The following HOXC13 variants were observed in gnomAD, a reference collection of about 807,000 sequenced individuals.
HOXC13 encodes the protein homeobox C13, also known as homeobox protein Hox-C13.
A neutral mutation model predicts 25.9 loss-of-function variants in HOXC13; 10 were observed. The observed-to-expected ratio is 0.39, with a 90% CI of 0.24 to 0.65. The LOEUF (loss-of-function observed/expected upper bound fraction) is 0.65, where lower values mean the gene tolerates loss of function less well. Among genes scored for constraint, HOXC13 ranks in the 30% least tolerant of loss-of-function variants. The pLI is 0.50. For synonymous variants in HOXC13, 233 were observed against 217.1 expected (o/e 1.07, Z -0.64); for missense variants, 439 against 478.3 (o/e 0.92, Z 0.77).
Position 53,938,972 on chromosome 12 carries a change from C to A in HOXC13, c.66C>A (p.Ser22Arg), listed in dbSNP as rs751171446. 2.0e-6 allele frequency: 3 copies of A among 1,525,136 alleles called. No individual in the cohort carries two copies. The highest frequency in any genetic ancestry group is 2.6e-5 in the East Asian group (1 of 38,304). 94.5% of individuals were successfully genotyped at this position (1,525,136 alleles called of 1,614,324 possible). A position where few individuals can be genotyped will look rare whatever the true frequency, so the allele number is the denominator to read the frequency against. Residue 22 changes from serine (S) to arginine (R), a missense_variant, in exon 1 of 2, where the codon AGC becomes AGA. By Grantham distance (110) the Ser-to-Arg change is moderately radical. Transcript: ENST00000243056. ...GCCTTATGTACGTCTATGAGGACAG[C>A]GCGGCGGAGAGCGGCATCGGCGGCG... is the stretch of plus-strand genomic sequence containing the variant. ...PESLMYVYEDSAAESGIGGGG... is the reference protein window; with the variant it reads ...PESLMYVYEDRAAESGIGGGG...
At chr12:53,944,138 G>A (rs1938652586) in intron 1 of HOXC13, among the ~76,000 whole-genome samples, 1 of 152,186 alleles carries the variant, frequency 6.6e-6, no homozygotes, top group South Asian at 2.1e-4. Flanking sequence ...GGAATGGAGA[G>A]GGAAGGCGGT....
At chr12:53,940,127 A>C (rs1185190278) in intron 1 of HOXC13, among the ~76,000 whole-genome samples, 5 of 152,202 alleles carry the variant, frequency 3.3e-5, no homozygotes, top group African/African-American at 9.7e-5. Flanking sequence ...GTATTTTTTA[A>C]ATAGGGGACT....
chr12:53,939,083 T>A lies in HOXC13; in HGVS notation c.177T>A (p.Gly59=). 1 of 1,434,928 alleles carries A rather than the reference T, an allele frequency of 7.0e-7. No homozygotes were observed. The highest frequency in any genetic ancestry group is 2.4e-4 in the Middle Eastern group (1 of 4,122). The allele number at this position is 1,434,928 out of a possible 1,614,324, so 88.9% of individuals were successfully genotyped here. A position where few individuals can be genotyped will look rare whatever the true frequency, so the allele number is the denominator to read the frequency against. ...CCGGCAAAGCCCCGAGCATGGATGGTCTGGGCAGCAGCTGCCCGGCCAGCC... is the reference window on the plus strand; with the variant it reads ...CCGGCAAAGCCCCGAGCATGGATGGACTGGGCAGCAGCTGCCCGGCCAGCC... ...ASPGKAPSMD[G]LGSSCPASHC... The change falls in exon 1 of 2, where the codon GGT becomes GGA. Residue 59 remains glycine, a synonymous_variant. Coordinates refer to ENST00000243056, the MANE Select transcript of HOXC13 (RefSeq NM_017410.3). This position sits in a 1 kb window ranked among gnomAD's most constrained non-coding sequence, Gnocchi z 6.7.
rs1938576099 is a variant in HOXC13, at chr12:53,939,539, C to T, written c.633C>T (p.Val211=). The T allele has an allele frequency of 1.9e-6, 3 of 1,612,158 alleles. No homozygotes were observed. Among genetic ancestry groups the T allele is most frequent in the South Asian group, 1.1e-5 (1 of 91,008 alleles). The stretch of plus-strand genomic sequence containing the variant: ...CGCGTCACGACGCCCTCATCCCCGT[C>T]GAAGGCTACCAGCACTGGGCTCTCT... ...PEPRHDALIP[V]EGYQHWALSN... The change falls in exon 1 of 2, where the codon GTC becomes GTT. Residue 211 remains valine, a synonymous_variant. Coordinates refer to ENST00000243056, the MANE Select transcript of HOXC13 (RefSeq NM_017410.3). The surrounding 1 kb of genome is among the most constrained non-coding windows in gnomAD (Gnocchi z 6.7).
intron 1 of HOXC13, among the ~76,000 whole-genome samples, chr12:53,944,161 TG>T (rs1938653271): frequency 1.3e-5 from 2 of 152,088 alleles, no homozygotes; most frequent in African/African-American, 4.8e-5. Flanking sequence ...GAACAGAATT[TG>T]TTCTGTTTTG....
In HOXC13 at chr12:53,946,380, T is replaced by C. The variant is rs1938693186; in HGVS notation, c.*1124T>C. 4.5e-6 allele frequency: 1 copy of C among 221,370 alleles called. No homozygotes were observed. The highest frequency in any genetic ancestry group is 2.2e-5 in the African/African-American group (1 of 44,636). The allele number at this position is 221,370 out of a possible 1,614,324, so 13.7% of individuals were successfully genotyped here. A position where few individuals can be genotyped will look rare whatever the true frequency, so the allele number is the denominator to read the frequency against. On this transcript the variant is annotated 3_prime_UTR_variant, in exon 2 of 2. Coordinates refer to ENST00000243056, the MANE Select transcript of HOXC13 (RefSeq NM_017410.3). ...GCCTCTTCCCTTCCCACTGGTGCAT[T>C]ACAAAACAGTGTTCTTTTGAAATGT...
intron 1 of HOXC13, among the ~76,000 whole-genome samples, chr12:53,941,096 A>G (rs1258458243): frequency 6.6e-6 from 1 of 152,228 alleles, no homozygotes; most frequent in African/African-American, 2.4e-5. Context: ...AGGATGGTGC[A>G]ATTTTAGTAC....
rs1226291441 is a variant in HOXC13 at position 53,938,903 on chromosome 12, T to G, written c.-4T>G. ...GTTTTTAAAAAGCTCCAGCAGATCA[T>G]GTCATGACGACTTCGCTGCTCCTGC... On this transcript the variant is annotated 5_prime_UTR_variant, in exon 1 of 2. It removes an upstream start codon present in the reference 5' UTR. Coordinates refer to ENST00000243056, the MANE Select transcript of HOXC13 (RefSeq NM_017410.3). 1 of 1,554,288 alleles carries G rather than the reference T, an allele frequency of 6.4e-7. No homozygotes were observed.
At chr12:53,943,451 T>A (rs1466876257) in intron 1 of HOXC13, among the ~76,000 whole-genome samples, 1 of 152,254 alleles carries the variant, frequency 6.6e-6, no homozygotes, top group Non-Finnish European at 1.5e-5. Context: ...ATCCATACTG[T>A]TTAAATAAAG....
chr12:53,943,512 A>AAG (rs1938644411), intron 1 of HOXC13, among the ~76,000 whole-genome samples: 1 of 152,258 alleles, frequency 6.6e-6, no homozygotes, highest in Non-Finnish European at 1.5e-5. Flanking sequence ...TCACAGAGGC[A>AAG]GAGAAAAATG....
At chr12:53,941,824 G>A (rs181726501) in intron 1 of HOXC13, among the ~76,000 whole-genome samples, 9 of 152,320 alleles carry the variant, frequency 5.9e-5, no homozygotes, top group Admixed American at 5.2e-4. Flanking sequence ...AGAGGCAGAC[G>A]AATAAGAAAT....
In HOXC13 at chr12:53,939,160, T is replaced by A; in HGVS notation, c.254T>A (p.Leu85Gln). ...GTGCTGGGCCGCCCGCCGGCTCCCC[T>A]GGGCGCCCCTCAGGGCGCCGTCTAT... is the stretch of plus-strand genomic sequence containing the variant. ...HPVLGRPPAP[L>Q]GAPQGAVYTD... The change falls in exon 1 of 2, where the codon CTG becomes CAG. Residue 85 changes from leucine (L) to glutamine (Q), a missense_variant. By Grantham distance (113) the Leu-to-Gln change is moderately radical (BLOSUM62 -2). Transcript: ENST00000243056. The surrounding 1 kb of genome is among the most constrained non-coding windows in gnomAD (Gnocchi z 6.7). The A allele has an allele frequency of 1.3e-6, 2 of 1,483,270 alleles. No individual in the cohort carries two copies. Among genetic ancestry groups the A allele is most frequent in the Non-Finnish European group, 1.8e-6 (2 of 1,127,504 alleles). 91.9% of individuals were successfully genotyped at this position (1,483,270 alleles called of 1,614,324 possible). A position where few individuals can be genotyped will look rare whatever the true frequency, so the allele number is the denominator to read the frequency against.
Position 53,939,368 on chromosome 12 carries a change from G to A in HOXC13, c.462G>A (p.Pro154=), listed in dbSNP as rs1592183705. The change falls in exon 1 of 2, where the codon CCG becomes CCA. Residue 154 remains proline, a synonymous_variant. Transcript: ENST00000243056. The surrounding 1 kb of genome is among the most constrained non-coding windows in gnomAD (Gnocchi z 6.7). The stretch of plus-strand genomic sequence containing the variant: ...CCTACCACCCGGGCGATAAATACCC[G>A]GAGCCGTCGGGCGCCCTGCCCGGTG... The part of the protein sequence containing the change: ...PCAYHPGDKY[P]EPSGALPGDD... 6.2e-7 allele frequency: 1 copy of A among 1,606,314 alleles called. No homozygotes were observed. The highest frequency in any genetic ancestry group is 8.5e-7 in the Non-Finnish European group (1 of 1,177,794).
rs1241028356 is a variant in HOXC13 at position 53,939,047 on chromosome 12, C to G, written c.141C>G (p.Ser47Arg). The change falls in exon 1 of 2, where the codon AGC becomes AGG. Residue 47 changes from serine (S) to arginine (R), a missense_variant. Ser to Arg is a moderately radical substitution (Grantham distance 110, BLOSUM62 -1). Coordinates refer to ENST00000243056, the MANE Select transcript of HOXC13 (RefSeq NM_017410.3). The surrounding 1 kb of genome is among the most constrained non-coding windows in gnomAD (Gnocchi z 6.7). ...CGGGCGGAGCGGGGGGTGGCTGCAG[C>G]GGAGCGAGCCCCGGCAAAGCCCCGA... ...GGTGGAGGGCSGASPGKAPSM... is the reference protein window; with the variant it reads ...GGTGGAGGGCRGASPGKAPSM... The G allele has an allele frequency of 6.9e-7, 1 of 1,444,044 alleles. No homozygotes were observed. Among genetic ancestry groups the G allele is most frequent in the South Asian group, 1.4e-5 (1 of 70,082 alleles). The allele number at this position is 1,444,044 out of a possible 1,614,324, so 89.5% of individuals were successfully genotyped here.
At chr12:53,940,079 C>CA (rs1938585604) in intron 1 of HOXC13, among the ~76,000 whole-genome samples, 1 of 152,250 alleles carries the variant, frequency 6.6e-6, no homozygotes, top group Non-Finnish European at 1.5e-5. Flanking sequence ...CCCCCACTTT[C>CA]TTTGACAGAA....
At position 53,938,998 on chromosome 12, in the gene HOXC13, G is replaced by C; in HGVS notation, c.92G>C (p.Gly31Ala). 1 of 1,502,012 alleles carries C rather than the reference G, an allele frequency of 6.7e-7. No individual in the cohort carries two copies. The highest frequency in any genetic ancestry group is 2.1e-5 in the Admixed American group (1 of 46,730). The allele number at this position is 1,502,012 out of a possible 1,614,324, so 93.0% of individuals were successfully genotyped here. Reference protein sequence around the residue: ...DSAAESGIGGGGGGGGGGTGG... With the variant: ...DSAAESGIGGAGGGGGGGTGG... ...GCGGCGGAGAGCGGCATCGGCGGCG[G>C]CGGCGGAGGAGGAGGCGGCGGCACG... Residue 31 changes from glycine to alanine, a missense_variant, in exon 1 of 2, where the codon GGC (glycine) becomes GCC (alanine). Gly to Ala is a moderately conservative substitution (Grantham distance 60, BLOSUM62 0). Transcript: ENST00000243056.
chr12:53,943,684 C>T (rs1378036394), intron 1 of HOXC13, among the ~76,000 whole-genome samples: 1 of 152,154 alleles, frequency 6.6e-6, no homozygotes, highest in Non-Finnish European at 1.5e-5. Context: ...AGAAAGCAGA[C>T]CCAATGGGGA....
chr12:53,939,702 G>A lies in HOXC13; in HGVS notation c.736+60G>A. 1.6e-6 allele frequency: 2 copies of A among 1,284,306 alleles called. No individual in the cohort carries two copies. The highest frequency in any genetic ancestry group is 4.2e-5 in the Admixed American group (1 of 23,870). The allele number at this position is 1,284,306 out of a possible 1,614,324, so 79.6% of individuals were successfully genotyped here. ...GACCCCTCCCCGCCCTGCCTGCCCC[G>A]GGGCTCCGCGCCCCAACCACCCCCG... On this transcript the variant is annotated intron_variant, in intron 1 of 1. Coordinates refer to ENST00000243056, the MANE Select transcript of HOXC13 (RefSeq NM_017410.3). The surrounding 1 kb of genome is among the most constrained non-coding windows in gnomAD (Gnocchi z 6.7).
At chr12:53,943,756 G>A (rs955755719) in intron 1 of HOXC13, among the ~76,000 whole-genome samples, 2 of 152,220 alleles carry the variant, frequency 1.3e-5, no homozygotes, top group African/African-American at 4.8e-5. Context: ...AAAGAACTTT[G>A]TGTCTTCCCT....
Sources: gnomAD v4.1 joint callset for allele counts (sites outside exome capture counted in the v4.1 genomes callset) on GRCh38, gnomAD v4.1.1 for gene constraint, Gnocchi (gnomAD v3.1) non-coding constraint, MANE v1.5 for transcripts, NCBI Gene and HGNC (gene_info 2026-07-23, HGNC 2026-07-21) for gene names.